Variants in STX3 observed in about 807,000 individuals in gnomAD.
STX3 encodes the protein syntaxin 3.
Under a neutral mutation model 40.2 loss-of-function variants are expected in STX3, and 19 were observed. That is an observed-to-expected ratio of 0.47 (90% CI 0.33 to 0.69). STX3 has a LOEUF of 0.69. Among genes scored for constraint, STX3 ranks in the 30% least tolerant of loss-of-function variants. The pLI is 0.02. For synonymous variants in STX3, 122 were observed against 132.2 expected (o/e 0.92, Z 0.53); for missense variants, 364 against 366.7 (o/e 0.99, Z 0.06).
chr11:59,767,537 C>A (rs2134893353), intron 1 of STX3, among the ~76,000 whole-genome samples: 1 of 152,242 alleles, frequency 6.6e-6, no homozygotes, highest in South Asian at 2.1e-4. Context: ...AGGGCAGGAG[C>A]CCTTACCCTG....
chr11:59,755,491 G>C lies in STX3; in HGVS notation c.-115G>C. 3.7e-6 allele frequency: 5 copies of C among 1,341,610 alleles called. No individual in the cohort carries two copies. The highest frequency in any genetic ancestry group is 4.8e-6 in the Non-Finnish European group (5 of 1,031,468). The allele number at this position is 1,341,610 out of a possible 1,614,324, so 83.1% of individuals were successfully genotyped here. On this transcript the variant is annotated 5_prime_UTR_variant, in exon 1 of 11. Transcript: ENST00000337979. The stretch of plus-strand genomic sequence containing the variant: ...CCGCCCGCCGCCGCCTGCGCCTCCA[G>C]CTCCTTCGCCCCGGCGGGCCCGGCC...
chr11:59,785,143 C>T (rs917504442), intron 2 of STX3, among the ~76,000 whole-genome samples: 2 of 152,106 alleles, frequency 1.3e-5, no homozygotes, highest in Non-Finnish European at 2.9e-5. Context: ...TGTATGTTTA[C>T]ACTCCCATGA....
intron 5 of STX3, 106 bp downstream of exon 5, chr11:59,790,692 A>G (rs1171660643): frequency 1.1e-5 from 9 of 825,588 alleles, no homozygotes; most frequent in African/African-American, 1.0e-4. Flanking sequence ...TTTGAAACTC[A>G]ATTTGAAGAC....
At chr11:59,800,051 C>G (rs1223625535) in intron 10 of STX3, 16 of 985,280 alleles carry the variant, frequency 1.6e-5, no homozygotes, top group Non-Finnish European at 1.9e-5. Flanking sequence ...AATCATTTTT[C>G]AGGACGTAAC....
intron 4 of STX3, among the ~76,000 whole-genome samples, chr11:59,789,761 A>G (rs1865000502): frequency 2.6e-5 from 4 of 152,132 alleles, no homozygotes; most frequent in Non-Finnish European, 4.4e-5. Context: ...ACATTTGAAT[A>G]GTCATTTTAG....
chr11:59,783,145 CT>C lies in STX3; in HGVS notation c.115-3889del, dbSNP rs1864521486. On this transcript the variant is annotated intron_variant, in intron 2 of 10. Coordinates refer to ENST00000337979, the MANE Select transcript of STX3 (RefSeq NM_004177.5). The stretch of plus-strand genomic sequence containing the variant: ...TCTTGAGGGCTCATTTTGTAAAAAG[CT>C]TTCTATAGGGAGCGGTGGTGAGAAG... Among the ~76,000 whole-genome samples the C allele has an allele frequency of 2.0e-5, 3 of 152,090 alleles. No homozygotes were observed. The South Asian group carries it at 6.2e-4, about 32-fold the overall frequency.
At chr11:59,771,430 T>G (rs1350804320) in intron 1 of STX3, among the ~76,000 whole-genome samples, 5 of 54,140 alleles carry the variant, frequency 9.2e-5, no homozygotes, top group Non-Finnish European at 1.4e-4. Flanking sequence ...CCACAGAATC[T>G]CCAGGAGTTT....
chr11:59,764,375 T>C (rs56122249), intron 1 of STX3, among the ~76,000 whole-genome samples: 16,463 of 152,268 alleles, frequency 0.11, 1,112 homozygotes, highest in South Asian at 0.2. Context: ...AACAATTCTA[T>C]GAGCAGATTA....
At chr11:59,759,288 A>C (rs940653594) in intron 1 of STX3, among the ~76,000 whole-genome samples, 2 of 152,100 alleles carry the variant, frequency 1.3e-5, no homozygotes, top group African/African-American at 4.8e-5. Flanking sequence ...TGTCTTAATC[A>C]CTCTCGCATT....
At chr11:59,780,020 G>A (rs1363360549) in intron 2 of STX3, among the ~76,000 whole-genome samples, 1 of 152,182 alleles carries the variant, frequency 6.6e-6, no homozygotes, top group African/African-American at 2.4e-5. Context: ...CAATGGGGCA[G>A]GCAGGAAGCC....
intron 2 of STX3, among the ~76,000 whole-genome samples, chr11:59,786,799 T>C (rs17154169): frequency 0.11 from 15,992 of 152,102 alleles, 1,196 homozygotes; most frequent in African/African-American, 0.2. Flanking sequence ...CCAAAGTGGG[T>C]GAATGTATTA....
intron 1 of STX3, among the ~76,000 whole-genome samples, chr11:59,765,852 G>A (rs1257190360): frequency 2.0e-5 from 3 of 152,166 alleles, no homozygotes; most frequent in Admixed American, 6.5e-5. Context: ...GTGTGTCATT[G>A]TTTCTTTGAG....
chr11:59,764,865 AACAC>A (rs567197540), intron 1 of STX3, among the ~76,000 whole-genome samples: 4 of 150,382 alleles, frequency 2.7e-5, no homozygotes, highest in Non-Finnish European at 4.4e-5. Context: ...TGCCTGCAAC[AACAC>A]ACACACACAT....
At chr11:59,800,788 G>C in intron 10 of STX3, 67 bp from the exon 11 acceptor site, 1 of 1,534,584 alleles carries the variant, frequency 6.5e-7, no homozygotes, top group Non-Finnish European at 8.7e-7. Flanking sequence ...GTTTGTGGCT[G>C]ACTCCTTCTG....
rs902490963 is a variant in STX3 at position 59,774,000 on chromosome 11, A to G, written c.114+706A>G. On this transcript the variant is annotated intron_variant, in intron 2 of 10. Coordinates refer to ENST00000337979, the MANE Select transcript of STX3 (RefSeq NM_004177.5). The stretch of plus-strand genomic sequence containing the variant: ...CACAAAAAAAAAAAAAAAAAAAAAA[A>G]TTATAGTCCCTCTGACTTAATTCTA... Among the ~76,000 whole-genome samples, 99 of 134,656 alleles carry G rather than the reference A, an allele frequency of 7.4e-4. 1 individual carries two copies. Among genetic ancestry groups the G allele is most frequent in the Non-Finnish European group, 1.3e-3 (84 of 62,462 alleles). The allele number at this position is 134,656 out of a possible 152,430, so 88.3% of individuals were successfully genotyped here. A position where few individuals can be genotyped will look rare whatever the true frequency, so the allele number is the denominator to read the frequency against.
chr11:59,804,951 A>C lies in STX3; in HGVS notation c.*4127A>C, dbSNP rs1358892796. 6.6e-6 allele frequency: 1 copy of C among 152,182 alleles called. No homozygotes were observed. The highest frequency in any genetic ancestry group is 1.5e-5 in the Non-Finnish European group (1 of 68,060). The allele number at this position is 152,182 out of a possible 1,614,324, so 9.4% of individuals were successfully genotyped here. A position where few individuals can be genotyped will look rare whatever the true frequency, so the allele number is the denominator to read the frequency against. On this transcript the variant is annotated 3_prime_UTR_variant, in exon 11 of 11. Transcript: ENST00000337979. ...GGTGGCTCATGCCTGTAATCACAGC[A>C]CTTTGGGAGGCCAAGGCAGGTGGAT...
intron 2 of STX3, among the ~76,000 whole-genome samples, chr11:59,778,831 C>CTTTTTT (rs112512362): frequency 1.6e-5 from 2 of 125,808 alleles, no homozygotes; most frequent in Admixed American, 8.2e-5. Flanking sequence ...TTTTCTTTTC[C>CTTTTTT]TTTTTTTTTT....
rs377300883 is a variant in STX3, at chr11:59,792,243, C to G, written c.466+28C>G. 23 of 1,589,846 alleles carry G rather than the reference C, an allele frequency of 1.4e-5. No individual in the cohort carries two copies. In the African/African-American group the frequency reaches 3.0e-4, roughly 20 times the overall value. Reference sequence around the variant, plus strand: ...ATGTACTTGAGGTTTGGCGTGTGCCCTCCACCTTTCCTGCCACCTGGTTGT... The same window carrying G: ...ATGTACTTGAGGTTTGGCGTGTGCCGTCCACCTTTCCTGCCACCTGGTTGT... On this transcript the variant is annotated intron_variant, in intron 6 of 10. Transcript: ENST00000337979.
upstream of STX3, chr11:59,755,349 C>T: frequency 3.2e-6 from 1 of 311,392 alleles, no homozygotes; most frequent in East Asian, 5.5e-5. Flanking sequence ...GGCGGATCAG[C>T]GCTGCGCCGG....
Sources: gnomAD v4.1 joint callset for allele counts (sites outside exome capture counted in the v4.1 genomes callset) on GRCh38, gnomAD v4.1.1 for gene constraint, MANE v1.5 for transcripts, NCBI Gene and HGNC (gene_info 2026-07-23, HGNC 2026-07-21) for gene names.